The following CRMP1 variants were observed in gnomAD, a reference collection of about 807,000 sequenced individuals.
CRMP1 encodes the protein dihydropyrimidinase-related protein 1.
Under a neutral mutation model 68.3 loss-of-function variants are expected in CRMP1, and 19 were observed. The observed-to-expected ratio is 0.28, with a 90% CI of 0.19 to 0.41. The LOEUF is 0.41. CRMP1 is among the 10% of genes least tolerant of loss of function. The probability of loss-of-function intolerance (pLI) is 1.00; values close to 1 mark genes in which losing one functional copy is unlikely to be tolerated. For synonymous variants in CRMP1, 439 were observed against 399.6 expected, an observed-to-expected ratio of 1.10 and a Z score of -1.18; for missense variants, 791 against 967.4, an observed-to-expected ratio of 0.82 and a Z score of 2.42.
At chr4:5,864,909 G>A (rs1305822254) in intron 2 of CRMP1, among the ~76,000 whole-genome samples, 3 of 150,774 alleles carry the variant, frequency 2.0e-5, no homozygotes, top group Non-Finnish European at 3.0e-5. Flanking sequence ...GGGGAGGCCC[G>A]GGCTGGATTT....
chr4:5,824,516 C>G, intron 13 of CRMP1: 4 of 985,362 alleles, frequency 4.1e-6, no homozygotes, highest in Non-Finnish European at 3.6e-6. Flanking sequence ...CCCTTCCACT[C>G]TCTCTTTTGC....
chr4:5,821,688 A>AAAAC lies in CRMP1; in HGVS notation c.*68_*71dup. On this transcript the variant is annotated 3_prime_UTR_variant, in exon 14 of 14. Transcript: ENST00000324989. The surrounding 1 kb of genome is among the most constrained non-coding windows in gnomAD (Gnocchi z 4.4). ...GCACCAACTAAAACTGTGGGTTTCAAAAACACTGACAGGAAAAGGGATGGA... is the reference window on the plus strand; with the variant it reads ...GCACCAACTAAAACTGTGGGTTTCAAAAACAAACACTGACAGGAAAAGGGATGGA... The AAAAC allele has an allele frequency of 2.1e-6, 3 of 1,448,546 alleles. No individual in the cohort carries two copies. The highest frequency in any genetic ancestry group is 2.4e-5 in the East Asian group (1 of 40,830). 89.7% of individuals were successfully genotyped at this position (1,448,546 alleles called of 1,614,324 possible).
chr4:5,836,907 C>A lies in CRMP1; in HGVS notation c.1311-1G>T, dbSNP rs1720764703. 6.2e-7 allele frequency: 1 copy of A among 1,607,542 alleles called. No individual in the cohort carries two copies. The highest frequency in any genetic ancestry group is 8.5e-7 in the Non-Finnish European group (1 of 1,176,684). ...GCTGCCTGTGACCTGCAAGTCCCCA[C>A]TGGCAAGGACAAAACAAGGTAGAGT... On this transcript the variant is annotated splice_acceptor_variant, in intron 9 of 13. Transcript: ENST00000324989. LOFTEE classifies it high-confidence loss of function.
chr4:5,887,871 G>C (rs1291789220), intron 1 of CRMP1: 4 of 946,124 alleles, frequency 4.2e-6, no homozygotes, highest in Non-Finnish European at 5.1e-6. Flanking sequence ...CCACCCCCGC[G>C]CGAGGCCTGC....
rs1176365013 is a variant in CRMP1, at chr4:5,825,774, A to ACT, written c.1804-116_1804-115insAG. On this transcript the variant is annotated intron_variant, in intron 12 of 13. Coordinates refer to ENST00000324989, the MANE Select transcript of CRMP1 (RefSeq NM_001014809.3). This position sits in a 1 kb window ranked among gnomAD's most constrained non-coding sequence, Gnocchi z 4.4. ...AAACCTGAGGTCACTTCAAATGTGC[A>ACT]TGCACACACACACACAACACGCACA... 39 of 975,650 alleles carry ACT rather than the reference A, an allele frequency of 4.0e-5. No individual in the cohort carries two copies. The highest frequency in any genetic ancestry group is 2.1e-4 in the Middle Eastern group (1 of 4,652). 60.4% of individuals were successfully genotyped at this position (975,650 alleles called of 1,614,324 possible).
rs990493338 is a variant in CRMP1 at position 5,872,317 on chromosome 4, C to T, written c.382-5561G>A. The stretch of plus-strand genomic sequence containing the variant: ...TAAAAAAAAATAATACCGGTGCCGT[C>T]TATTGCCTCTCACGGGGTTACTGTG... On this transcript the variant is annotated intron_variant, in intron 1 of 13. Transcript: ENST00000324989. This position sits in a 1 kb window ranked among gnomAD's most constrained non-coding sequence, Gnocchi z 4.6. Among the ~76,000 whole-genome samples, 4 of 152,314 alleles carry T rather than the reference C, an allele frequency of 2.6e-5. No individual in the cohort carries two copies. Among genetic ancestry groups the T allele is most frequent in the Middle Eastern group, 3.4e-3 (1 of 294 alleles).
intron 6 of CRMP1, among the ~76,000 whole-genome samples, chr4:5,846,159 G>T (rs917001602): frequency 1.3e-5 from 2 of 152,140 alleles, no homozygotes; most frequent in African/African-American, 4.8e-5. Flanking sequence ...AGCTAGGCGT[G>T]GTGGCGCATG....
chr4:5,839,082 C>T (rs900323414), intron 9 of CRMP1, among the ~76,000 whole-genome samples: 3 of 152,234 alleles, frequency 2.0e-5, no homozygotes, highest in African/African-American at 4.8e-5. Flanking sequence ...CTGGAGCACT[C>T]GGTTCCAGGT....
Position 5,889,655 on chromosome 4 carries a change from C to T in CRMP1, c.381+2934G>A. 6.5e-7 allele frequency: 1 copy of T among 1,536,194 alleles called. No individual in the cohort carries two copies. Among genetic ancestry groups the T allele is most frequent in the Non-Finnish European group, 8.7e-7 (1 of 1,146,916 alleles). On this transcript the variant is annotated intron_variant, in intron 1 of 13. Coordinates refer to ENST00000324989, the MANE Select transcript of CRMP1 (RefSeq NM_001014809.3). The surrounding 1 kb of genome is among the most constrained non-coding windows in gnomAD (Gnocchi z 4.5). ...CCACCACTTCGTTGTTCATTTTCTG[C>T]ATGCGAAATCCAACCCCACAGGTCC...
At chr4:5,849,529 C>A (rs372859775) in intron 5 of CRMP1, 57 bp from the exon 6 acceptor site, 3 of 1,169,668 alleles carry the variant, frequency 2.6e-6, no homozygotes, top group Non-Finnish European at 2.5e-6. Context: ...AAAATCACAG[C>A]GTGTGCATTC....
chr4:5,852,884 G>A (rs890536512), intron 4 of CRMP1, among the ~76,000 whole-genome samples: 1 of 152,160 alleles, frequency 6.6e-6, no homozygotes, highest in Non-Finnish European at 1.5e-5. Context: ...AGAATCGCTA[G>A]GAAAAGGCAG....
At position 5,870,823 on chromosome 4, in the gene CRMP1, A is replaced by G. The variant is rs1220350260; in HGVS notation, c.382-4067T>C. On this transcript the variant is annotated intron_variant, in intron 1 of 13. Coordinates refer to ENST00000324989, the MANE Select transcript of CRMP1 (RefSeq NM_001014809.3). This position sits in a 1 kb window ranked among gnomAD's most constrained non-coding sequence, Gnocchi z 6.0. ...GACGGCAATCCGGGACCAATGGGAAAAAGAGGCCCAGGCTCTGCACGTCCA... is the reference window on the plus strand; with the variant it reads ...GACGGCAATCCGGGACCAATGGGAAGAAGAGGCCCAGGCTCTGCACGTCCA... Among the ~76,000 whole-genome samples the G allele has an allele frequency of 1.3e-5, 2 of 152,196 alleles. No individual in the cohort carries two copies. The highest frequency in any genetic ancestry group is 3.9e-4 in the East Asian group (2 of 5,194).
At position 5,891,746 on chromosome 4, in the gene CRMP1, C is replaced by A. The variant is rs1715959162; in HGVS notation, c.381+843G>T. 1.3e-5 allele frequency among the ~76,000 whole-genome samples: 2 copies of A among 152,238 alleles called. No individual in the cohort carries two copies. Among genetic ancestry groups the A allele is most frequent in the Admixed American group, 6.5e-5 (1 of 15,290 alleles). On this transcript the variant is annotated intron_variant, in intron 1 of 13. Coordinates refer to ENST00000324989, the MANE Select transcript of CRMP1 (RefSeq NM_001014809.3). The surrounding 1 kb of genome is among the most constrained non-coding windows in gnomAD (Gnocchi z 5.2). The stretch of plus-strand genomic sequence containing the variant: ...CTCGTCGGTCCATCCAAAGGCTACG[C>A]CGTCCATCCGCCCTTCTTCCCCCAG...
At chr4:5,824,861 C>T in intron 13 of CRMP1, 1 of 985,404 alleles carries the variant, frequency 1.0e-6, no homozygotes, top group Non-Finnish European at 1.2e-6. Context: ...GTGGCCATCT[C>T]ACCAAATCAC....
chr4:5,859,258 G>A lies in CRMP1; in HGVS notation c.655+1768C>T, dbSNP rs1168236850. Among the ~76,000 whole-genome samples, 1 of 152,286 alleles carries A rather than the reference G, an allele frequency of 6.6e-6. No individual in the cohort carries two copies. The highest frequency in any genetic ancestry group is 2.1e-4 in the South Asian group (1 of 4,822). ...TTCAGAGCCCTGGACTGTTGTCCTCGTGTGCTTTCATAGGCTCTTGTTCCA... is the reference window on the plus strand; with the variant it reads ...TTCAGAGCCCTGGACTGTTGTCCTCATGTGCTTTCATAGGCTCTTGTTCCA... On this transcript the variant is annotated intron_variant, in intron 3 of 13. Coordinates refer to ENST00000324989, the MANE Select transcript of CRMP1 (RefSeq NM_001014809.3). The surrounding 1 kb of genome is among the most constrained non-coding windows in gnomAD (Gnocchi z 5.2).
Position 5,839,553 on chromosome 4 carries a change from T to C in CRMP1, c.1279A>G (p.Thr427Ala). ...TSPPLSPDPT[T>A]PDYLTSLLAC... ...AGTAGGGAGGTCAAGTAGTCGGGCG[T>C]GGTAGGGTCCGGGCTCAGGGGAGGG... The change falls in exon 9 of 14, where the codon ACG becomes GCG. Residue 427 changes from threonine to alanine, a missense_variant. This residue lies in a region of CRMP1 where 594 missense variants were observed against 763.6 expected (regional missense o/e 0.78). Coordinates refer to ENST00000324989, the MANE Select transcript of CRMP1 (RefSeq NM_001014809.3). 2 of 1,611,444 alleles carry C rather than the reference T, an allele frequency of 1.2e-6. No individual in the cohort carries two copies. The highest frequency in any genetic ancestry group is 1.7e-6 in the Non-Finnish European group (2 of 1,178,946).
At chr4:5,875,987 C>A (rs1167308784) in intron 1 of CRMP1, among the ~76,000 whole-genome samples, 2 of 151,886 alleles carry the variant, frequency 1.3e-5, no homozygotes, top group African/African-American at 4.8e-5. Flanking sequence ...CCCGTCTCTA[C>A]TAAAAAATAC....
Position 5,891,806 on chromosome 4 carries a change from C to T in CRMP1, c.381+783G>A, listed in dbSNP as rs186876279. Reference sequence around the variant, plus strand: ...GACCCCCAGCTCAAGAGAGAATACCCGCAGGGCCCAAGCCCTAGCGTTCCC... The same window carrying T: ...GACCCCCAGCTCAAGAGAGAATACCTGCAGGGCCCAAGCCCTAGCGTTCCC... On this transcript the variant is annotated intron_variant, in intron 1 of 13. Transcript: ENST00000324989. The surrounding 1 kb of genome is among the most constrained non-coding windows in gnomAD (Gnocchi z 5.2). 2.6e-5 allele frequency among the ~76,000 whole-genome samples: 4 copies of T among 152,200 alleles called. No homozygotes were observed. Among genetic ancestry groups the T allele is most frequent in the African/African-American group, 9.6e-5 (4 of 41,456 alleles).
At chr4:5,863,756 CT>C (rs1455083644) in intron 2 of CRMP1, among the ~76,000 whole-genome samples, 4 of 152,118 alleles carry the variant, frequency 2.6e-5, no homozygotes, top group African/African-American at 9.7e-5. Context: ...CTTAAGAAAA[CT>C]TGGCAAATGG....
Sources: allele counts gnomAD v4.1 joint callset (sites outside exome capture counted in the v4.1 genomes callset), GRCh38; gene constraint gnomAD v4.1.1; regional missense constraint gnomAD v4.1.1; non-coding constraint Gnocchi (gnomAD v3.1); transcripts MANE v1.5; gene names NCBI Gene and HGNC (gene_info 2026-07-23, HGNC 2026-07-21).